Variants in BBS9 observed in about 807,000 individuals in gnomAD.
BBS9 encodes the protein protein PTHB1.
In BBS9, 89 loss-of-function variants were observed where a neutral mutation model predicts 117.7. The ratio of observed to expected loss-of-function variants is 0.76; its 90% CI spans 0.64 to 0.90. BBS9 has a LOEUF of 0.90. BBS9 is among the 40% of genes least tolerant of loss of function. The pLI, the probability that BBS9 is intolerant of heterozygous loss-of-function variation, is 0.00. For missense variants in BBS9, 982 were observed against 1,042.2 expected (o/e 0.94, Z 0.80); for synonymous variants, 379 against 370.9 (o/e 1.02, Z -0.25).
At chr7:33,322,416 A>G (rs1811925475) in intron 9 of BBS9, among the ~76,000 whole-genome samples, 1 of 93,204 alleles carries the variant, frequency 1.1e-5, no homozygotes, top group African/African-American at 4.0e-5. Context: ...CAATCTCATT[A>G]CTTGTTTTTG....
chr7:33,307,710 G>A (rs1808316327), intron 9 of BBS9, among the ~76,000 whole-genome samples: 1 of 151,044 alleles, frequency 6.6e-6, no homozygotes, highest in Non-Finnish European at 1.5e-5. Flanking sequence ...TTGTTATACT[G>A]TATTTTTTAG....
chr7:33,349,229 T>G, intron 13 of BBS9, 59 bp downstream of exon 13: 1 of 1,201,646 alleles, frequency 8.3e-7, no homozygotes, highest in Non-Finnish European at 1.2e-6. Context: ...AAAATACTAG[T>G]TTGTTCATTT....
At chr7:33,134,560 A>C (rs1387170056) in intron 1 of BBS9, among the ~76,000 whole-genome samples, 1 of 152,022 alleles carries the variant, frequency 6.6e-6, no homozygotes, top group African/African-American at 2.4e-5. Flanking sequence ...TTGAAACCTA[A>C]AAGTTTTTAG....
chr7:33,186,038 C>T (rs2128181919), intron 5 of BBS9, among the ~76,000 whole-genome samples: 1 of 152,294 alleles, frequency 6.6e-6, no homozygotes, highest in Non-Finnish European at 1.5e-5. Context: ...TTGAGTTGCA[C>T]AACAGGGTGG....
At chr7:33,504,268 T>C (rs952590309) in intron 19 of BBS9, among the ~76,000 whole-genome samples, 9 of 152,180 alleles carry the variant, frequency 5.9e-5, no homozygotes, top group Non-Finnish European at 8.8e-5. Context: ...CTCAGCGAAG[T>C]GGCAAAGAAT....
chr7:33,269,579 T>G (rs1221266864), intron 7 of BBS9, among the ~76,000 whole-genome samples: 1 of 151,538 alleles, frequency 6.6e-6, no homozygotes, highest in African/African-American at 2.4e-5. Context: ...AGCCTGGGAG[T>G]GCCAAGCTGT....
At chr7:33,227,121 A>G (rs1235975089) in intron 5 of BBS9, among the ~76,000 whole-genome samples, 1 of 152,088 alleles carries the variant, frequency 6.6e-6, no homozygotes, top group East Asian at 1.9e-4. Context: ...GTCAAGAATG[A>G]TAATATATTA....
chr7:33,202,805 G>T (rs369144861), intron 5 of BBS9, among the ~76,000 whole-genome samples: 2 of 152,086 alleles, frequency 1.3e-5, no homozygotes, highest in South Asian at 2.1e-4. Flanking sequence ...GATTTGTGGT[G>T]GGGGGGAACA....
chr7:33,612,275 C>T (rs1864920995), intron 21 of BBS9, among the ~76,000 whole-genome samples: 1 of 151,914 alleles, frequency 6.6e-6, no homozygotes, highest in South Asian at 2.1e-4. Context: ...ATGAAAAAAG[C>T]AATCAACAAG....
intron 9 of BBS9, among the ~76,000 whole-genome samples, chr7:33,304,877 G>A (rs886627920): frequency 2.0e-5 from 3 of 152,064 alleles, no homozygotes; most frequent in Admixed American, 2.0e-4. Context: ...GTCAGCTCAG[G>A]GTTAAATGGA....
At chr7:33,448,890 A>T (rs749520150) in intron 19 of BBS9, among the ~76,000 whole-genome samples, 1 of 152,198 alleles carries the variant, frequency 6.6e-6, no homozygotes, top group Non-Finnish European at 1.5e-5. Flanking sequence ...ATTTGTATCA[A>T]TTTTTTCTAA....
intron 19 of BBS9, among the ~76,000 whole-genome samples, chr7:33,443,516 TA>T (rs1474354889): frequency 6.6e-6 from 1 of 152,218 alleles, no homozygotes; most frequent in Non-Finnish European, 1.5e-5. Context: ...ATGCTTTTAT[TA>T]ATACTGCATA....
At chr7:33,335,040 C>G (rs1815014648) in intron 9 of BBS9, among the ~76,000 whole-genome samples, 1 of 152,164 alleles carries the variant, frequency 6.6e-6, no homozygotes, top group Admixed American at 6.5e-5. Flanking sequence ...AGTATCTACT[C>G]CCAACCCAGT....
chr7:33,443,908 C>G (rs1413497026), intron 19 of BBS9, among the ~76,000 whole-genome samples: 1 of 152,182 alleles, frequency 6.6e-6, no homozygotes, highest in Non-Finnish European at 1.5e-5. Flanking sequence ...ACTGTGCTCA[C>G]CACAGTAGAA....
At chr7:33,598,360 G>A (rs753788977) in intron 21 of BBS9, among the ~76,000 whole-genome samples, 15 of 151,936 alleles carry the variant, frequency 9.9e-5, no homozygotes, top group South Asian at 6.2e-4. Context: ...CAAGGCTATC[G>A]AAAACAAAGT....
At chr7:33,531,117 C>T (rs924599418) in intron 20 of BBS9, among the ~76,000 whole-genome samples, 16 of 152,210 alleles carry the variant, frequency 1.1e-4, no homozygotes, top group African/African-American at 2.6e-4. Flanking sequence ...TGGTGACACC[C>T]GCCTGTAATC....
At chr7:33,355,534 T>C (rs1362830755) in intron 15 of BBS9, among the ~76,000 whole-genome samples, 2 of 151,934 alleles carry the variant, frequency 1.3e-5, no homozygotes, top group African/African-American at 4.8e-5. Context: ...CCATAATCAT[T>C]TTATTAAGTA....
chr7:33,215,888 A>AT (rs200002376), intron 5 of BBS9, among the ~76,000 whole-genome samples: 2,617 of 152,256 alleles, frequency 0.017, 64 homozygotes, highest in African/African-American at 0.059. Flanking sequence ...TATGTCTAAG[A>AT]TTTTTTGTAC....
chr7:33,464,971 G>A (rs1221594754), intron 19 of BBS9, among the ~76,000 whole-genome samples: 3 of 151,902 alleles, frequency 2.0e-5, no homozygotes, highest in Non-Finnish European at 4.4e-5. Context: ...GACTACAGAC[G>A]CGTGCCACCA....
Sources: gnomAD v4.1 joint callset for allele counts (sites outside exome capture counted in the v4.1 genomes callset) on GRCh38, gnomAD v4.1.1 for gene constraint, MANE v1.5 for transcripts, NCBI Gene and HGNC (gene_info 2026-07-23, HGNC 2026-07-21) for gene names.